The following TRIM43 variants were observed in gnomAD, a reference collection of about 807,000 sequenced individuals.
TRIM43 encodes tripartite motif containing 43, also known as tripartite motif-containing protein 43.
Under a neutral mutation model 27.7 loss-of-function variants are expected in TRIM43, and 12 were observed. The observed-to-expected ratio is 0.43, with a 90% CI of 0.28 to 0.70. The LOEUF is 0.70. TRIM43 is among the 30% of genes least tolerant of loss of function. The probability of loss-of-function intolerance (pLI) is 0.17; values close to 1 mark genes in which losing one functional copy is unlikely to be tolerated. For synonymous variants in TRIM43, 64 were observed against 121.9 expected, an observed-to-expected ratio of 0.52 and a Z score of 3.13; for missense variants, 186 against 356.5, an observed-to-expected ratio of 0.52 and a Z score of 3.85.
At position 95,596,306 on chromosome 2, in the gene TRIM43, A is replaced by T; in HGVS notation, c.612A>T (p.Glu204Asp). 1.2e-6 allele frequency: 2 copies of T among 1,608,866 alleles called. No homozygotes were observed. Among genetic ancestry groups the T allele is most frequent in the East Asian group, 4.5e-5 (2 of 44,640 alleles). Reference sequence around the variant, plus strand: ...AACATTTAGAGAGACTGAACAAGGAATACCAAGAGATTTTTCAGCAACTCC... The same window carrying T: ...AACATTTAGAGAGACTGAACAAGGATTACCAAGAGATTTTTCAGCAACTCC... ...EKQHLERLNK[E>D]YQEIFQQLQR... The change falls in exon 4 of 7, where the codon GAA becomes GAT. Residue 204 changes from glutamate (E) to aspartate (D), a missense_variant. Around this residue, in one of 6 missense-constraint regions of TRIM43, gnomAD observed 91 missense variants for 119.3 expected, o/e 0.76. Transcript: ENST00000272395.
Position 95,593,816 on chromosome 2 carries a change from G to A in TRIM43, c.-4-204G>A, listed in dbSNP as rs1022842568. 7.9e-5 allele frequency among the ~76,000 whole-genome samples: 12 copies of A among 151,868 alleles called. 1 individual carries two copies. The highest frequency in any genetic ancestry group is 1.0e-4 in the Non-Finnish European group (7 of 67,964). The stretch of plus-strand genomic sequence containing the variant: ...GAGTTTGGAAAGCTGGTCATGTGTT[G>A]ATTGGAGAACAGTCACTTTTTATAG... On this transcript the variant is annotated intron_variant, in intron 1 of 6. Coordinates refer to ENST00000272395, the MANE Select transcript of TRIM43 (RefSeq NM_138800.3).
In TRIM43 at chr2:95,596,551, C is replaced by T. The variant is rs534883237; in HGVS notation, c.738+119C>T. The T allele has an allele frequency of 6.2e-4, 876 of 1,407,726 alleles. 31 individuals carry two copies. The highest frequency in any genetic ancestry group is 5.8e-3 in the Middle Eastern group (28 of 4,800). 87.2% of individuals were successfully genotyped at this position (1,407,726 alleles called of 1,614,324 possible). On this transcript the variant is annotated intron_variant, in intron 4 of 6. Coordinates refer to ENST00000272395, the MANE Select transcript of TRIM43 (RefSeq NM_138800.3). The stretch of plus-strand genomic sequence containing the variant: ...TCCTGTACTGACGGTGAGAGTCATT[C>T]CCACCGGTTATAGAGATAAACTATA...
intron 2 of TRIM43, 106 bp downstream of exon 2, chr2:95,594,540 C>T: frequency 6.8e-7 from 1 of 1,468,684 alleles, no homozygotes. Context: ...TACTGAGTGC[C>T]AGGTGCTGTT....
At chr2:95,595,892 G>T (rs1371904729) in intron 3 of TRIM43, among the ~76,000 whole-genome samples, 2 of 151,404 alleles carry the variant, frequency 1.3e-5, no homozygotes, top group African/African-American at 4.9e-5. Context: ...GAAGTACAGA[G>T]ATTTGAAACA....
chr2:95,592,674 T>A (rs1246031471), intron 1 of TRIM43, among the ~76,000 whole-genome samples: 1 of 150,548 alleles, frequency 6.6e-6, no homozygotes, highest in Non-Finnish European at 1.5e-5. Flanking sequence ...CCCGGCCTTT[T>A]TTTTTTAAAT....
intron 3 of TRIM43, 103 bp downstream of exon 3, chr2:95,595,248 T>C (rs1685335118): frequency 1.2e-6 from 1 of 855,974 alleles, no homozygotes; most frequent in Non-Finnish European, 1.8e-6. Flanking sequence ...GATTTTGTCA[T>C]GTGTTTATTC....
chr2:95,593,417 T>C (rs1039278703), intron 1 of TRIM43, among the ~76,000 whole-genome samples: 1 of 151,808 alleles, frequency 6.6e-6, no homozygotes, highest in African/African-American at 2.4e-5. Context: ...CATAGTAGCC[T>C]AGAAAAACAA....
rs1685252977 is a variant in TRIM43 at position 95,592,016 on chromosome 2, CCA to C, written c.-135_-134del. 1 of 150,986 alleles carries C rather than the reference CCA, an allele frequency of 6.6e-6. No homozygotes were observed. Among genetic ancestry groups the C allele is most frequent in the African/African-American group, 2.4e-5 (1 of 41,008 alleles). 9.4% of individuals were successfully genotyped at this position (150,986 alleles called of 1,614,324 possible). A position where few individuals can be genotyped will look rare whatever the true frequency, so the allele number is the denominator to read the frequency against. ...AGCCAAGCTCATTCTTCTCCAGAGC[CCA>C]CAGAGTAGCTTTGCAACTGGCTTTG... On this transcript the variant is annotated 5_prime_UTR_variant, in exon 1 of 7. Transcript: ENST00000272395.
At chr2:95,593,477 T>C (rs1004002330) in intron 1 of TRIM43, among the ~76,000 whole-genome samples, 44 of 151,980 alleles carry the variant, frequency 2.9e-4, no homozygotes, top group African/African-American at 1.0e-3. Context: ...TTTGACTGTT[T>C]TTCCTTGGAG....
chr2:95,594,128 T>C lies in TRIM43; in HGVS notation c.105T>C (p.Cys35=), dbSNP rs754615388. Residue 35 remains cysteine (C), a synonymous_variant, in exon 2 of 7, where the codon TGT becomes TGC. Coordinates refer to ENST00000272395, the MANE Select transcript of TRIM43 (RefSeq NM_138800.3). ...CCATCTGCTGTGGGCACAGCTTCTG[T>C]AGGCCCTGTCTCTGCCTTTCGTGGG... is the stretch of plus-strand genomic sequence containing the variant. ...PVTICCGHSF[C]RPCLCLSWEE... is the part of the protein sequence containing the mutation. 10 of 1,612,712 alleles carry C rather than the reference T, an allele frequency of 6.2e-6. No individual in the cohort carries two copies. Among genetic ancestry groups the C allele is most frequent in the Admixed American group, 3.3e-5 (2 of 59,932 alleles).
In TRIM43 at chr2:95,593,498, A is replaced by G. The variant is rs866052647; in HGVS notation, c.-4-522A>G. 1.5e-4 allele frequency among the ~76,000 whole-genome samples: 23 copies of G among 151,518 alleles called. 1 individual carries two copies. The highest frequency in any genetic ancestry group is 2.8e-4 in the Non-Finnish European group (19 of 67,712). Reference sequence around the variant, plus strand: ...TGTTTTTCCTTGGAGAGTAAAGGCTAGCTTTTTCTGATTTGGGTCAAAGTA... The same window carrying G: ...TGTTTTTCCTTGGAGAGTAAAGGCTGGCTTTTTCTGATTTGGGTCAAAGTA... On this transcript the variant is annotated intron_variant, in intron 1 of 6. Transcript: ENST00000272395.
chr2:95,593,710 T>G (rs1460190103), intron 1 of TRIM43, among the ~76,000 whole-genome samples: 1 of 151,822 alleles, frequency 6.6e-6, no homozygotes, highest in Non-Finnish European at 1.5e-5. Flanking sequence ...AGTTTACAGG[T>G]TGATGAAACC....
At chr2:95,594,816 C>A (rs1239587541) in intron 2 of TRIM43, among the ~76,000 whole-genome samples, 2 of 151,456 alleles carry the variant, frequency 1.3e-5, no homozygotes, top group African/African-American at 4.9e-5. Flanking sequence ...GGATGTTTCC[C>A]TGAACTAATT....
chr2:95,592,198 C>G (rs531599908), intron 1 of TRIM43, 49 bp downstream of exon 1: 1 of 151,816 alleles, frequency 6.6e-6, no homozygotes, highest in East Asian at 1.9e-4. Context: ...AGCTACAAAC[C>G]AAAACAAAAT....
chr2:95,595,319 T>C (rs1346980898), intron 3 of TRIM43, among the ~76,000 whole-genome samples, 174 bp downstream of exon 3: 2 of 151,658 alleles, frequency 1.3e-5, no homozygotes, highest in East Asian at 1.9e-4. Context: ...CTGTAAATGC[T>C]TTTCAGATAA....
In TRIM43 at chr2:95,599,628, CT is replaced by C. The variant is rs1168664125; in HGVS notation, c.*56del. 1.6e-6 allele frequency: 1 copy of C among 614,892 alleles called. No individual in the cohort carries two copies. Among genetic ancestry groups the C allele is most frequent in the African/African-American group, 1.9e-5 (1 of 53,916 alleles). 38.1% of individuals were successfully genotyped at this position (614,892 alleles called of 1,614,324 possible). ...ACTCCATATACAAGGGAGCCCTTCACTGTTGATACAAAGAAATCATACTGTT... is the reference window on the plus strand; with the variant it reads ...ACTCCATATACAAGGGAGCCCTTCACGTTGATACAAAGAAATCATACTGTT... On this transcript the variant is annotated 3_prime_UTR_variant, in exon 7 of 7. Transcript: ENST00000272395.
intron 3 of TRIM43, among the ~76,000 whole-genome samples, chr2:95,595,834 T>C (rs1217886019): frequency 6.6e-6 from 1 of 151,214 alleles, no homozygotes; most frequent in Non-Finnish European, 1.5e-5. Context: ...CTGATCCTGA[T>C]TATAATATAC....
chr2:95,599,334 T>G lies in TRIM43; in HGVS notation c.1102T>G (p.Ser368Ala), dbSNP rs1425014274. 1 of 499,058 alleles carries G rather than the reference T, an allele frequency of 2.0e-6. No individual in the cohort carries two copies. The highest frequency in any genetic ancestry group is 3.0e-5 in the East Asian group (1 of 33,104). The allele number at this position is 499,058 out of a possible 1,614,324, so 30.9% of individuals were successfully genotyped here. A position where few individuals can be genotyped will look rare whatever the true frequency, so the allele number is the denominator to read the frequency against. ...WIRKNSTMVNSEDIFLLLCLK... is the reference protein window; with the variant it reads ...WIRKNSTMVNAEDIFLLLCLK... ...AAGGAAGAATAGCACAATGGTTAAC[T>G]CTGAGGACATATTTCTTCTTTTGTG... Residue 368 changes from serine to alanine, a missense_variant, in exon 7 of 7, where the codon TCT (serine) becomes GCT (alanine). This residue lies in a region of TRIM43 where 4 missense variants were observed against 64.7 expected (regional missense o/e 0.06). Coordinates refer to ENST00000272395, the MANE Select transcript of TRIM43 (RefSeq NM_138800.3).
chr2:95,593,570 A>T (rs914699531), intron 1 of TRIM43, among the ~76,000 whole-genome samples: 1 of 151,866 alleles, frequency 6.6e-6, no homozygotes, highest in Non-Finnish European at 1.5e-5. Context: ...TGGAAAAGTC[A>T]TTATGGATGG....
Sources: gnomAD v4.1 joint callset for allele counts (sites outside exome capture counted in the v4.1 genomes callset) on GRCh38, gnomAD v4.1.1 for gene constraint, gnomAD v4.1.1 regional missense constraint, MANE v1.5 for transcripts, NCBI Gene and HGNC (gene_info 2026-07-23, HGNC 2026-07-21) for gene names.